The following CALN1 variants were observed in gnomAD, a reference collection of about 807,000 sequenced individuals.
CALN1 encodes calneuron 1, also known as calcium-binding protein 8.
Under a neutral mutation model 30.6 loss-of-function variants are expected in CALN1, and 17 were observed. That is an observed-to-expected ratio of 0.56 (90% CI 0.38 to 0.83). The LOEUF (loss-of-function observed/expected upper bound fraction) is 0.83. Ranked by LOEUF, CALN1 falls within the 40% of genes least tolerant of loss-of-function variation. CALN1 has a pLI of 0.00. For synonymous variants in CALN1, 156 were observed against 131.4 expected, an observed-to-expected ratio of 1.19 and a Z score of -1.28; for missense variants, 291 against 354.9, an observed-to-expected ratio of 0.82 and a Z score of 1.45.
intron 5 of CALN1, among the ~76,000 whole-genome samples, chr7:71,898,464 C>T (rs1003220259): frequency 3.3e-5 from 5 of 151,932 alleles, no homozygotes; most frequent in African/African-American, 7.3e-5. Context: ...TGAATGATAC[C>T]GGTAGAGGAC....
intron 5 of CALN1, among the ~76,000 whole-genome samples, chr7:71,951,752 A>G (rs987124298): frequency 2.6e-5 from 4 of 152,170 alleles, no homozygotes; most frequent in African/African-American, 9.7e-5. Context: ...TACTAAGACA[A>G]AACTGATCAC....
chr7:72,027,007 C>G lies in CALN1; in HGVS notation c.389-3238G>C, dbSNP rs116593013. ...GGCTGGATGGCCAAACAGTCTTGAA[C>G]TAAACTATACATTCTCAAGAGTGAC... is the stretch of plus-strand genomic sequence containing the variant. On this transcript the variant is annotated intron_variant, in intron 4 of 6. Coordinates refer to ENST00000395275, the MANE Select transcript of CALN1 (RefSeq NM_031468.4). Among the ~76,000 whole-genome samples the G allele has an allele frequency of 5.2e-3, 795 of 152,280 alleles. 10 individuals carry two copies. Among genetic ancestry groups the G allele is most frequent in the African/African-American group, 0.017 (721 of 41,566 alleles).
At chr7:72,346,399 C>T (rs376563293) in intron 2 of CALN1, among the ~76,000 whole-genome samples, 1 of 152,126 alleles carries the variant, frequency 6.6e-6, no homozygotes. Context: ...ATTAAAACAC[C>T]TAACTGAAGG....
chr7:72,326,393 T>C (rs1801281139), intron 2 of CALN1, among the ~76,000 whole-genome samples: 1 of 152,198 alleles, frequency 6.6e-6, no homozygotes, highest in African/African-American at 2.4e-5. Context: ...TGTTTCTTCA[T>C]CTGTAAAATG....
chr7:72,152,772 A>G (rs1295901325), intron 3 of CALN1, among the ~76,000 whole-genome samples: 3 of 152,174 alleles, frequency 2.0e-5, no homozygotes, highest in Admixed American at 6.6e-5. Context: ...ACGTGACAGG[A>G]AGCATTCCCC....
intron 3 of CALN1, among the ~76,000 whole-genome samples, chr7:72,211,678 ATG>A (rs1246826385): frequency 4.6e-5 from 7 of 152,346 alleles, no homozygotes; most frequent in South Asian, 4.1e-4. Context: ...ATATCATTGC[ATG>A]TGCTTGTTCC....
intron 4 of CALN1, among the ~76,000 whole-genome samples, chr7:72,031,837 G>A (rs1164688973): frequency 1.3e-5 from 2 of 150,464 alleles, no homozygotes; most frequent in Non-Finnish European, 2.9e-5. Context: ...CGCCTTCCGG[G>A]TTCAAGTGAT....
intron 1 of CALN1, among the ~76,000 whole-genome samples, chr7:72,442,799 A>G (rs569860969): frequency 7.3e-5 from 11 of 151,712 alleles, no homozygotes; most frequent in African/African-American, 2.2e-4. Context: ...GTAGGGTTGC[A>G]CTTATTTAGA....
the CALN1 span, among the ~76,000 whole-genome samples, chr7:72,453,127 G>C: frequency 6.6e-6 from 1 of 152,200 alleles, no homozygotes; most frequent in Non-Finnish European, 1.5e-5. Context: ...CAGCCCTAGT[G>C]GTAGTAGTAA....
chr7:72,116,431 A>C (rs1484928085), intron 3 of CALN1, among the ~76,000 whole-genome samples: 1 of 152,188 alleles, frequency 6.6e-6, no homozygotes, highest in East Asian at 1.9e-4. Context: ...ATGAAATAGA[A>C]ATCTCTGAGG....
At chr7:72,263,428 C>T (rs183696905) in intron 3 of CALN1, among the ~76,000 whole-genome samples, 1 of 152,052 alleles carries the variant, frequency 6.6e-6, no homozygotes, top group Admixed American at 6.6e-5. Flanking sequence ...CAGGGACTCA[C>T]TCTGTCATCC....
intron 5 of CALN1, among the ~76,000 whole-genome samples, chr7:71,854,156 G>A (rs145061068): frequency 2.0e-5 from 3 of 152,114 alleles, no homozygotes; most frequent in African/African-American, 7.2e-5. Flanking sequence ...CACAACATGG[G>A]CTAGAAGAAA....
At chr7:71,960,134 AAAATAAATAAAT>A (rs71092940) in intron 5 of CALN1, among the ~76,000 whole-genome samples, 17,036 of 135,722 alleles carry the variant, frequency 0.13, 1,342 homozygotes, top group South Asian at 0.36. Context: ...CTCCATCTCA[AAAATAAATAAAT>A]AAATAAATAA....
chr7:71,832,461 T>C (rs1399760606), intron 5 of CALN1, among the ~76,000 whole-genome samples: 1 of 152,206 alleles, frequency 6.6e-6, no homozygotes, highest in Non-Finnish European at 1.5e-5. Flanking sequence ...CTTGATTCTG[T>C]ATGCAGGGAC....
chr7:72,479,811 A>G, the CALN1 span, among the ~76,000 whole-genome samples: 1 of 152,214 alleles, frequency 6.6e-6, no homozygotes, highest in Non-Finnish European at 1.5e-5. Context: ...TTGGCTTCCC[A>G]AAGTGCTGGG....
intron 2 of CALN1, among the ~76,000 whole-genome samples, chr7:72,286,615 C>T (rs1277310678): frequency 6.6e-6 from 1 of 152,212 alleles, no homozygotes; most frequent in Non-Finnish European, 1.5e-5. Flanking sequence ...CAACAAAGGC[C>T]AGCTAGACCC....
intron 3 of CALN1, among the ~76,000 whole-genome samples, chr7:72,191,785 T>C (rs1263907744): frequency 1.3e-5 from 2 of 152,034 alleles, no homozygotes; most frequent in Admixed American, 1.3e-4. Context: ...AAGTCTGAAA[T>C]GGGTTTCATT....
At chr7:71,830,597 C>T (rs1449512783) in intron 5 of CALN1, among the ~76,000 whole-genome samples, 1 of 152,136 alleles carries the variant, frequency 6.6e-6, no homozygotes, top group Admixed American at 6.6e-5. Flanking sequence ...ATCCACCTGC[C>T]TCGGCCTCCC....
intron 5 of CALN1, among the ~76,000 whole-genome samples, chr7:71,924,050 A>C (rs943628878): frequency 2.0e-5 from 3 of 152,056 alleles, no homozygotes; most frequent in Non-Finnish European, 4.4e-5. Flanking sequence ...AAAATTAGCC[A>C]GGCATGGTGG....
Sources: allele counts gnomAD v4.1 joint callset (sites outside exome capture counted in the v4.1 genomes callset), GRCh38; gene constraint gnomAD v4.1.1; transcripts MANE v1.5; gene names NCBI Gene and HGNC (gene_info 2026-07-23, HGNC 2026-07-21).